ZNF438: variants seen among roughly 807,000 people sequenced by gnomAD.
ZNF438 encodes the protein zinc finger protein 438.
ZNF438 carries 25 observed loss-of-function variants against 38.0 expected under a neutral mutation model. The observed-to-expected ratio is 0.66, with a 90% CI of 0.48 to 0.92. ZNF438 has a LOEUF of 0.92. Ranked by LOEUF, ZNF438 falls within the 40% of genes least tolerant of loss-of-function variation. The probability of loss-of-function intolerance (pLI) is 0.00; values close to 1 mark genes in which losing one functional copy is unlikely to be tolerated. For missense variants in ZNF438, 1,007 were observed against 999.6 expected, an observed-to-expected ratio of 1.01 and a Z score of -0.10; for synonymous variants, 372 against 364.1, an observed-to-expected ratio of 1.02 and a Z score of -0.25.
intron 2 of ZNF438, among the ~76,000 whole-genome samples, chr10:30,927,809 C>T (rs1034033761): frequency 2.6e-5 from 4 of 151,996 alleles, no homozygotes; most frequent in East Asian, 1.9e-4. Context: ...CTTTCATTTG[C>T]GAAATGAATA....
intron 4 of ZNF438, among the ~76,000 whole-genome samples, chr10:30,861,110 C>T (rs1262327208): frequency 1.3e-5 from 2 of 152,128 alleles, no homozygotes; most frequent in African/African-American, 2.4e-5. Context: ...ATTGGTTCCT[C>T]CACAGGACAA....
intron 1 of ZNF438, among the ~76,000 whole-genome samples, chr10:31,001,624 T>C (rs1052972655): frequency 3.9e-5 from 6 of 152,234 alleles, no homozygotes; most frequent in African/African-American, 1.4e-4. Context: ...TTTCTGCATA[T>C]TACCTTTCTA....
In ZNF438 at chr10:30,993,710, G is replaced by A. The variant is rs538157233; in HGVS notation, c.-192+38123C>T. On this transcript the variant is annotated intron_variant, in intron 1 of 5. Transcript: ENST00000413025. ...AATGCCTAATGGAGCTGTGGGAGCAGGAATGCTGCTGAGATCCCAGAACTA... is the reference window on the plus strand; with the variant it reads ...AATGCCTAATGGAGCTGTGGGAGCAAGAATGCTGCTGAGATCCCAGAACTA... Among the ~76,000 whole-genome samples, 11 of 152,358 alleles carry A rather than the reference G, an allele frequency of 7.2e-5. No individual in the cohort carries two copies. In the South Asian group the frequency reaches 2.3e-3, roughly 32 times the overall value.
In ZNF438 at chr10:30,937,837, C is replaced by T. The variant is rs548001285; in HGVS notation, c.-115+3738G>A. 3.3e-5 allele frequency among the ~76,000 whole-genome samples: 5 copies of T among 152,316 alleles called. No homozygotes were observed. The South Asian group carries it at 8.3e-4, about 25-fold the overall frequency. On this transcript the variant is annotated intron_variant, in intron 2 of 5. Coordinates refer to ENST00000413025, the Ensembl canonical transcript of ZNF438. ...GACAAATCATTTATCTTGGCAAACA[C>T]CAATTTGATCATGTCACCTGTCTCA...
chr10:31,022,144 T>A (rs755287403), intron 1 of ZNF438, among the ~76,000 whole-genome samples: 32 of 152,298 alleles, frequency 2.1e-4, no homozygotes, highest in Non-Finnish European at 4.1e-4. Context: ...AACGACCAGC[T>A]CAGTGGCTGG....
At chr10:30,941,029 G>C (rs948595592) in intron 2 of ZNF438, among the ~76,000 whole-genome samples, 1 of 151,868 alleles carries the variant, frequency 6.6e-6, no homozygotes, top group East Asian at 1.9e-4. Context: ...GTCTCACTTA[G>C]ACAAATAACA....
intron 3 of ZNF438, among the ~76,000 whole-genome samples, chr10:30,884,781 C>A (rs2039730192): frequency 6.6e-6 from 1 of 152,116 alleles, no homozygotes. Context: ...AAGTGACAGC[C>A]TGATGTAAAT....
At chr10:30,985,919 A>G (rs2934650) in intron 1 of ZNF438, among the ~76,000 whole-genome samples, 114,907 of 152,138 alleles carry the variant, frequency 0.76, 44,474 homozygotes, top group African/African-American at 0.91. Context: ...AGTCAACAAC[A>G]GACTGCATAT....
At chr10:30,947,992 G>A (rs571438108) in intron 1 of ZNF438, among the ~76,000 whole-genome samples, 1 of 143,014 alleles carries the variant, frequency 7.0e-6, no homozygotes, top group South Asian at 2.3e-4. Context: ...CTCACGCTGG[G>A]AGCTGTAGAC....
At chr10:31,030,242 C>T (rs1422448500) in intron 1 of ZNF438, among the ~76,000 whole-genome samples, 1 of 152,202 alleles carries the variant, frequency 6.6e-6, no homozygotes, top group African/African-American at 2.4e-5. Flanking sequence ...CCAAAAACAA[C>T]CTTCCCTGTT....
chr10:31,018,815 A>C (rs1237419162), intron 1 of ZNF438, among the ~76,000 whole-genome samples: 1 of 152,210 alleles, frequency 6.6e-6, no homozygotes, highest in Non-Finnish European at 1.5e-5. Flanking sequence ...CTTTAGGTTC[A>C]AGGTAACTGT....
intron 1 of ZNF438, among the ~76,000 whole-genome samples, chr10:31,010,892 GA>G (rs563189482): frequency 2.6e-4 from 24 of 92,584 alleles, no homozygotes; most frequent in East Asian, 8.9e-4. Flanking sequence ...GACCCTGTTT[GA>G]AAAAAAAAAA....
At chr10:30,993,118 T>C (rs1376811638) in intron 1 of ZNF438, among the ~76,000 whole-genome samples, 1 of 152,234 alleles carries the variant, frequency 6.6e-6, no homozygotes, top group Non-Finnish European at 1.5e-5. Context: ...TTAAAAAGCT[T>C]GTTTAGGAAA....
chr10:31,018,194 T>C (rs1359172031), intron 1 of ZNF438, among the ~76,000 whole-genome samples: 3 of 152,186 alleles, frequency 2.0e-5, no homozygotes, highest in African/African-American at 7.2e-5. Context: ...AGCAATTTTT[T>C]CCAACACTGC....
chr10:31,027,570 G>A (rs768650564), intron 1 of ZNF438, among the ~76,000 whole-genome samples: 1 of 152,074 alleles, frequency 6.6e-6, no homozygotes, highest in East Asian at 1.9e-4. Context: ...GAACTTAAAA[G>A]TCAATAACAC....
intron 3 of ZNF438, among the ~76,000 whole-genome samples, chr10:30,904,288 C>T (rs1484814954): frequency 6.6e-6 from 1 of 152,186 alleles, no homozygotes; most frequent in Non-Finnish European, 1.5e-5. Context: ...AAACAGCCCT[C>T]CAACTCATTC....
At chr10:31,024,423 G>C (rs2056807090) in intron 1 of ZNF438, among the ~76,000 whole-genome samples, 1 of 152,098 alleles carries the variant, frequency 6.6e-6, no homozygotes, top group Non-Finnish European at 1.5e-5. Context: ...TCAGGAGATC[G>C]AGACCATCCT....
chr10:30,914,731 C>G (rs2043421518), intron 2 of ZNF438, among the ~76,000 whole-genome samples: 1 of 151,942 alleles, frequency 6.6e-6, no homozygotes, highest in African/African-American at 2.4e-5. Context: ...CCTCCAGTTT[C>G]TTCATGTTCT....
chr10:30,858,087 T>C lies in ZNF438; in HGVS notation c.38-7720A>G, dbSNP rs76270817. Among the ~76,000 whole-genome samples, 588 of 152,284 alleles carry C rather than the reference T, an allele frequency of 3.9e-3. 7 individuals carry two copies. The highest frequency in any genetic ancestry group is 0.013 in the African/African-American group (551 of 41,556). On this transcript the variant is annotated intron_variant, in intron 4 of 5. Transcript: ENST00000413025. ...GGGCCCACAGGCCTACTGCTAAGAG[T>C]GCAGAAGGGAGCAGGCAGAGAAAGA...
Sources: gnomAD v4.1 joint callset for allele counts (sites outside exome capture counted in the v4.1 genomes callset) on GRCh38, gnomAD v4.1.1 for gene constraint, MANE v1.5 for transcripts, NCBI Gene and HGNC (gene_info 2026-07-23, HGNC 2026-07-21) for gene names.